The following SLC24A2 variants were observed in gnomAD, a reference collection of about 807,000 sequenced individuals.
SLC24A2 encodes sodium/potassium/calcium exchanger 2.
In SLC24A2, 36 loss-of-function variants were observed where a neutral mutation model predicts 62.0. The ratio of observed to expected loss-of-function variants is 0.58; its 90% CI spans 0.44 to 0.77. The LOEUF (loss-of-function observed/expected upper bound fraction) is 0.77. Among genes scored for constraint, SLC24A2 ranks in the 30% least tolerant of loss-of-function variants. The pLI, the probability that SLC24A2 is intolerant of heterozygous loss-of-function variation, is 0.00. For synonymous variants in SLC24A2, 358 were observed against 294.0 expected (o/e 1.22, Z -2.23); for missense variants, 846 against 817.9 (o/e 1.03, Z -0.42).
chr9:19,635,151 G>A (rs1818279255), intron 2 of SLC24A2, among the ~76,000 whole-genome samples: 1 of 152,202 alleles, frequency 6.6e-6, no homozygotes, highest in African/African-American at 2.4e-5. Flanking sequence ...CTGCGTTACT[G>A]TCAAATGAAG....
chr9:20,198,619 G>A, the SLC24A2 span, among the ~76,000 whole-genome samples: 17 of 152,196 alleles, frequency 1.1e-4, no homozygotes, highest in African/African-American at 3.9e-4. Context: ...GTTGGGGAGA[G>A]GCAATTTGTG....
intron 7 of SLC24A2, among the ~76,000 whole-genome samples, chr9:19,571,903 C>A (rs1835847068): frequency 6.6e-6 from 1 of 150,962 alleles, no homozygotes; most frequent in Non-Finnish European, 1.5e-5. Flanking sequence ...GAAATCTCAG[C>A]TCTACCATCT....
intron 2 of SLC24A2, among the ~76,000 whole-genome samples, chr9:19,638,264 C>A (rs539925270): frequency 3.3e-5 from 5 of 152,242 alleles, no homozygotes; most frequent in South Asian, 2.1e-4. Flanking sequence ...TTGGAGAGCA[C>A]TGAGTTGGAG....
the SLC24A2 span, among the ~76,000 whole-genome samples, chr9:19,824,044 T>C: frequency 6.6e-6 from 1 of 152,142 alleles, no homozygotes; most frequent in South Asian, 2.1e-4. Context: ...CAGACTTAAA[T>C]GTAAAATCTA....
At chr9:19,698,468 C>T (rs117219000) in intron 2 of SLC24A2, among the ~76,000 whole-genome samples, 6,678 of 152,084 alleles carry the variant, frequency 0.044, 203 homozygotes, top group South Asian at 0.096. Context: ...GATAAGGGAC[C>T]GTCAATCTGT....
the SLC24A2 span, among the ~76,000 whole-genome samples, chr9:20,001,551 A>G: frequency 2.0e-5 from 3 of 152,194 alleles, no homozygotes; most frequent in Non-Finnish European, 4.4e-5. Context: ...GGAATCAAAA[A>G]TAGAACCACT....
chr9:19,972,680 A>C, the SLC24A2 span, among the ~76,000 whole-genome samples: 1 of 152,162 alleles, frequency 6.6e-6, no homozygotes, highest in Non-Finnish European at 1.5e-5. Context: ...TGCATATCTT[A>C]TATGTCTACA....
chr9:19,937,453 G>C, the SLC24A2 span, among the ~76,000 whole-genome samples: 2 of 152,190 alleles, frequency 1.3e-5, no homozygotes, highest in African/African-American at 2.4e-5. Context: ...TCAGCTCCTT[G>C]CTTGATATAG....
chr9:19,913,960 A>G, the SLC24A2 span, among the ~76,000 whole-genome samples: 3 of 151,840 alleles, frequency 2.0e-5, no homozygotes, highest in Non-Finnish European at 4.4e-5. Context: ...TCACTATGCC[A>G]GCTCCTTCTC....
chr9:19,644,738 T>A (rs965425285), intron 2 of SLC24A2, among the ~76,000 whole-genome samples: 51 of 151,528 alleles, frequency 3.4e-4, no homozygotes, highest in East Asian at 7.7e-4. Context: ...TGTTTTTTTT[T>A]AAAAACATGA....
At chr9:20,084,939 G>A in the SLC24A2 span, among the ~76,000 whole-genome samples, 3 of 152,182 alleles carry the variant, frequency 2.0e-5, no homozygotes, top group East Asian at 1.9e-4. Flanking sequence ...GATTGCTTCT[G>A]TTATTACATC....
the SLC24A2 span, among the ~76,000 whole-genome samples, chr9:19,932,070 C>T: frequency 5.3e-5 from 8 of 152,184 alleles, no homozygotes; most frequent in East Asian, 3.9e-4. Flanking sequence ...TACCACAATA[C>T]GGTCCCATTA....
chr9:20,097,123 A>G, the SLC24A2 span, among the ~76,000 whole-genome samples: 1 of 152,158 alleles, frequency 6.6e-6, no homozygotes, highest in East Asian at 1.9e-4. Context: ...CCTACATCCT[A>G]TACTTGGGGA....
chr9:20,089,785 A>G, the SLC24A2 span, among the ~76,000 whole-genome samples: 1 of 151,172 alleles, frequency 6.6e-6, no homozygotes, highest in African/African-American at 2.4e-5. Context: ...CAGTCACCAG[A>G]ACTTACAGCA....
At chr9:19,715,578 A>C (rs377520664) in intron 2 of SLC24A2, among the ~76,000 whole-genome samples, 1 of 152,138 alleles carries the variant, frequency 6.6e-6, no homozygotes, top group African/African-American at 2.4e-5. Context: ...TTATTTTTCT[A>C]CAAGACCACT....
the SLC24A2 span, among the ~76,000 whole-genome samples, chr9:20,030,299 C>T: frequency 7.9e-5 from 12 of 152,162 alleles, no homozygotes; most frequent in Non-Finnish European, 1.2e-4. Context: ...TTCAGGAGAG[C>T]AGTTCTGTGA....
the SLC24A2 span, among the ~76,000 whole-genome samples, chr9:20,207,083 A>C: frequency 6.6e-6 from 1 of 152,204 alleles, no homozygotes; most frequent in Admixed American, 6.5e-5. Context: ...TATTTAGTAA[A>C]TACTGAGTAA....
At chr9:19,927,735 A>C in the SLC24A2 span, 1 of 152,044 alleles carries the variant, frequency 6.6e-6, no homozygotes, top group Non-Finnish European at 1.5e-5. Flanking sequence ...CTCTGACGGG[A>C]GAGCCAACCA....
At chr9:19,889,638 A>G in the SLC24A2 span, among the ~76,000 whole-genome samples, 5 of 152,134 alleles carry the variant, frequency 3.3e-5, no homozygotes, top group African/African-American at 4.8e-5. Context: ...TTATGCCATT[A>G]ACATTTTATC....
Sources: gnomAD v4.1 joint callset for allele counts (sites outside exome capture counted in the v4.1 genomes callset) on GRCh38, gnomAD v4.1.1 for gene constraint, MANE v1.5 for transcripts, NCBI Gene and HGNC (gene_info 2026-07-23, HGNC 2026-07-21) for gene names.